TCF12: variants seen among roughly 807,000 people sequenced by gnomAD.
TCF12 encodes transcription factor 12.
Under a neutral mutation model 86.0 loss-of-function variants are expected in TCF12, and 45 were observed. That is an observed-to-expected ratio of 0.52 (90% CI 0.41 to 0.67). TCF12 has a LOEUF of 0.67. Among genes scored for constraint, TCF12 ranks in the 30% least tolerant of loss-of-function variants. TCF12 has a pLI of 0.00. For synonymous variants in TCF12, 330 were observed against 299.6 expected (o/e 1.10, Z -1.05); for missense variants, 881 against 859.9 (o/e 1.02, Z -0.31).
chr15:57,233,962 C>T, intron 11 of TCF12, 81 bp from the exon 12 acceptor site: 1 of 1,096,680 alleles, frequency 9.1e-7, no homozygotes. Context: ...TGATAGAGAA[C>T]ACCCTTGGAA....
intron 8 of TCF12, among the ~76,000 whole-genome samples, chr15:57,205,004 G>A (rs1490249332): frequency 1.3e-5 from 2 of 152,126 alleles, no homozygotes; most frequent in Admixed American, 1.3e-4. Flanking sequence ...AGATAACAGA[G>A]TGTGTTTATA....
At chr15:57,067,466 G>T (rs1854158236) in intron 4 of TCF12, among the ~76,000 whole-genome samples, 2 of 54,196 alleles carry the variant, frequency 3.7e-5, no homozygotes, top group South Asian at 1.6e-3. Context: ...CGTGAACCCG[G>T]GAGGCGGAAC....
chr15:57,252,324 A>C, intron 14 of TCF12, 97 bp from the exon 15 acceptor site: 1 of 852,528 alleles, frequency 1.2e-6, no homozygotes, highest in East Asian at 2.5e-5. Flanking sequence ...AACTTTACTA[A>C]CATGTTATGC....
chr15:57,198,052 C>G (rs1258290555), intron 8 of TCF12, among the ~76,000 whole-genome samples: 2 of 152,066 alleles, frequency 1.3e-5, no homozygotes, highest in Non-Finnish European at 2.9e-5. Flanking sequence ...ACTCCTTGTC[C>G]CTGTCATTTG....
intron 8 of TCF12, among the ~76,000 whole-genome samples, chr15:57,211,103 A>T (rs1392743479): frequency 6.6e-6 from 1 of 152,248 alleles, no homozygotes; most frequent in East Asian, 1.9e-4. Flanking sequence ...GTGATGCTGT[A>T]TTCACCATGA....
intron 5 of TCF12, among the ~76,000 whole-genome samples, chr15:57,121,237 T>G (rs2051206280): frequency 1.3e-5 from 2 of 152,184 alleles, no homozygotes; most frequent in South Asian, 4.1e-4. Flanking sequence ...TTAACTTCGC[T>G]GATGGATAGA....
intron 5 of TCF12, among the ~76,000 whole-genome samples, chr15:57,096,751 T>C (rs971205480): frequency 2.6e-5 from 4 of 152,342 alleles, no homozygotes; most frequent in African/African-American, 9.6e-5. Flanking sequence ...TTGTGGTTGA[T>C]TGATTTCACA....
At chr15:57,256,670 T>C (rs2060364082) in intron 16 of TCF12, among the ~76,000 whole-genome samples, 1 of 152,004 alleles carries the variant, frequency 6.6e-6, no homozygotes, top group African/African-American at 2.4e-5. Context: ...ATGGAGGCTA[T>C]ATGGCCAGAC....
intron 18 of TCF12, among the ~76,000 whole-genome samples, chr15:57,271,373 G>T (rs138710443): frequency 1.3e-5 from 2 of 152,344 alleles, no homozygotes; most frequent in African/African-American, 2.4e-5. Flanking sequence ...GCAAGGCTCC[G>T]TGGGCCTGGG....
chr15:56,937,128 G>C (rs534661173), intron 3 of TCF12, among the ~76,000 whole-genome samples: 1 of 152,256 alleles, frequency 6.6e-6, no homozygotes, highest in South Asian at 2.1e-4. Flanking sequence ...GTTCCCGTTT[G>C]TGTCATCTGT....
chr15:56,978,249 G>T (rs1737682024), intron 3 of TCF12, among the ~76,000 whole-genome samples: 1 of 152,156 alleles, frequency 6.6e-6, no homozygotes, highest in East Asian at 1.9e-4. Context: ...GATGAGAGAA[G>T]TTCAGAGTTA....
chr15:57,171,637 A>G (rs764855528), intron 6 of TCF12, among the ~76,000 whole-genome samples: 1 of 152,204 alleles, frequency 6.6e-6, no homozygotes, highest in Non-Finnish European at 1.5e-5. Context: ...TGTTAAGATG[A>G]TGTAATAATA....
At chr15:57,076,000 C>CT (rs2033479571) in intron 4 of TCF12, among the ~76,000 whole-genome samples, 1 of 151,034 alleles carries the variant, frequency 6.6e-6, no homozygotes, top group South Asian at 2.1e-4. Flanking sequence ...GTAGCTGGGA[C>CT]TACAGGCCTG....
At chr15:57,055,215 A>C (rs144792485) in intron 3 of TCF12, among the ~76,000 whole-genome samples, 6,301 of 152,158 alleles carry the variant, frequency 0.041, 365 homozygotes, top group African/African-American at 0.13. Flanking sequence ...CAGCCTGGCC[A>C]ACATAGTGAA....
chr15:57,199,750 A>G (rs540186642), intron 8 of TCF12, among the ~76,000 whole-genome samples: 3 of 152,208 alleles, frequency 2.0e-5, no homozygotes, highest in Non-Finnish European at 4.4e-5. Flanking sequence ...AAGCCTACTT[A>G]TATATTGTAT....
At chr15:57,038,015 TATTC>T (rs1414528058) in intron 3 of TCF12, among the ~76,000 whole-genome samples, 1 of 152,326 alleles carries the variant, frequency 6.6e-6, no homozygotes, top group East Asian at 1.9e-4. Flanking sequence ...TTTAAACTAA[TATTC>T]ATAAGAGTTC....
intron 19 of TCF12, chr15:57,282,215 A>G (rs1392015543): frequency 3.6e-6 from 2 of 552,224 alleles, no homozygotes; most frequent in African/African-American, 1.9e-5. Flanking sequence ...ATCAAACCCT[A>G]GAAAACTAAA....
At chr15:57,134,328 AGTT>A (rs1484242467) in intron 5 of TCF12, 2 of 152,250 alleles carry the variant, frequency 1.3e-5, no homozygotes, top group Admixed American at 6.5e-5. Flanking sequence ...CATTTGCATG[AGTT>A]GTTTGAATAA....
At chr15:57,087,873 CTG>C (rs2048750310) in intron 4 of TCF12, among the ~76,000 whole-genome samples, 1 of 152,096 alleles carries the variant, frequency 6.6e-6, no homozygotes, top group Non-Finnish European at 1.5e-5. Context: ...TAGTATTGCT[CTG>C]TCCTTCATAA....
Sources: gnomAD v4.1 joint callset for allele counts (sites outside exome capture counted in the v4.1 genomes callset) on GRCh38, gnomAD v4.1.1 for gene constraint, MANE v1.5 for transcripts, NCBI Gene and HGNC (gene_info 2026-07-23, HGNC 2026-07-21) for gene names.